The following TUSC3 variants were observed in gnomAD, a reference collection of about 807,000 sequenced individuals.
TUSC3 encodes tumor suppressor candidate 3.
Under a neutral mutation model 44.8 loss-of-function variants are expected in TUSC3, and 45 were observed. The observed-to-expected ratio is 1.00, with a 90% CI of 0.79 to 1.29. The LOEUF (loss-of-function observed/expected upper bound fraction) is 1.29, where lower values mean the gene tolerates loss of function less well. Ranked by LOEUF, TUSC3 falls within the 50% of genes most tolerant of loss-of-function variation. The probability of loss-of-function intolerance (pLI) is 0.00; values close to 1 mark genes in which losing one functional copy is unlikely to be tolerated. For missense variants in TUSC3, 519 were observed against 437.9 expected (o/e 1.19, Z -1.65); for synonymous variants, 212 against 152.9 (o/e 1.39, Z -2.85).
intron 2 of TUSC3, among the ~76,000 whole-genome samples, chr8:15,523,688 G>GTATA (rs1296439729): frequency 2.6e-4 from 13 of 50,072 alleles, no homozygotes; most frequent in African/African-American, 8.4e-4. Context: ...GTGTGTGTGT[G>GTATA]TGTGTGTGTG....
At chr8:15,446,896 A>C (rs1300253136) in intron 1 of TUSC3, among the ~76,000 whole-genome samples, 1 of 41,532 alleles carries the variant, frequency 2.4e-5, no homozygotes, top group Admixed American at 3.3e-4. Flanking sequence ...ATGAGTAGGT[A>C]ACAGAAAAAA....
At chr8:15,684,504 C>G (rs1022681231) in intron 6 of TUSC3, among the ~76,000 whole-genome samples, 1 of 152,166 alleles carries the variant, frequency 6.6e-6, no homozygotes, top group South Asian at 2.1e-4. Context: ...GCCCAACCGG[C>G]TAAGCTTGTC....
At position 15,509,436 on chromosome 8, in the gene TUSC3, C is replaced by G. The variant is rs1281000642; in HGVS notation, n.189+25953C>G. Among the ~76,000 whole-genome samples, 3 of 152,058 alleles carry G rather than the reference C, an allele frequency of 2.0e-5. No individual in the cohort carries two copies. The East Asian group carries it at 5.8e-4, about 29-fold the overall frequency. ...CCAGCCTGGCCAACATGGTGACATC[C>G]CATCTCTACTAAAATATAAAAATTA... On this transcript the variant is annotated intron_variant and non_coding_transcript_variant, in intron 2 of 5. Transcript: ENST00000503191.
rs180685829 is a variant in TUSC3 at position 15,524,051 on chromosome 8, C to T, written n.189+40568C>T. 3.5e-3 allele frequency among the ~76,000 whole-genome samples: 343 copies of T among 98,402 alleles called. 1 individual carries two copies. The highest frequency in any genetic ancestry group is 0.011 in the African/African-American group (303 of 27,232). The allele number at this position is 98,402 out of a possible 152,430, so 64.6% of individuals were successfully genotyped here. ...AGCTTGGCAACAGACAGAGTGACTC[C>T]GTCTCAAAAAAAAAAAAAAATAGAA... On this transcript the variant is annotated intron_variant and non_coding_transcript_variant, in intron 2 of 5. Coordinates refer to the TUSC3 transcript ENST00000503191.
intron 6 of TUSC3, among the ~76,000 whole-genome samples, chr8:15,702,305 A>G (rs1355878436): frequency 6.6e-6 from 1 of 152,192 alleles, no homozygotes; most frequent in East Asian, 1.9e-4. Flanking sequence ...ATAGTTGTTG[A>G]GCCACTTCTT....
chr8:15,652,846 A>C (rs1443834151), intron 3 of TUSC3, among the ~76,000 whole-genome samples: 1 of 152,140 alleles, frequency 6.6e-6, no homozygotes, highest in Non-Finnish European at 1.5e-5. Flanking sequence ...ACATGACTAG[A>C]CTTGTGGACT....
chr8:15,616,431 A>G (rs1302137146), intron 1 of TUSC3, among the ~76,000 whole-genome samples: 2 of 151,998 alleles, frequency 1.3e-5, no homozygotes, highest in African/African-American at 4.8e-5. Context: ...TACAAAAATT[A>G]GCCCGTCGTG....
chr8:15,844,375 T>A, the TUSC3 span, among the ~76,000 whole-genome samples: 4 of 152,124 alleles, frequency 2.6e-5, no homozygotes, highest in East Asian at 7.7e-4. Flanking sequence ...GCCTCAGTGA[T>A]TAATAAGCTA....
chr8:15,551,718 G>C (rs1343579913), intron 1 of TUSC3, among the ~76,000 whole-genome samples: 1 of 151,700 alleles, frequency 6.6e-6, no homozygotes, highest in Non-Finnish European at 1.5e-5. Context: ...ATTACTGCCG[G>C]TCTCTTGTGT....
chr8:15,627,981 C>G (rs544231568), intron 2 of TUSC3, among the ~76,000 whole-genome samples: 6 of 152,078 alleles, frequency 3.9e-5, no homozygotes, highest in African/African-American at 1.4e-4. Context: ...TTCCATCTGG[C>G]GAAGCGACAC....
chr8:15,794,531 G>T, the TUSC3 span, among the ~76,000 whole-genome samples: 1 of 152,146 alleles, frequency 6.6e-6, no homozygotes, highest in Non-Finnish European at 1.5e-5. Context: ...ATTTCAGGAA[G>T]GTAGGTAAAA....
intron 1 of TUSC3, among the ~76,000 whole-genome samples, chr8:15,554,145 A>G (rs1802151830): frequency 1.1e-5 from 1 of 93,938 alleles, no homozygotes; most frequent in Admixed American, 1.3e-4. Context: ...TGGATTTTTG[A>G]TTTTGTCATC....
chr8:15,473,988 C>G (rs574580482), intron 1 of TUSC3, among the ~76,000 whole-genome samples: 21 of 152,266 alleles, frequency 1.4e-4, no homozygotes, highest in South Asian at 1.0e-3. Context: ...TGGTCCTTAT[C>G]TCAACCACTT....
At chr8:15,796,815 C>T in the TUSC3 span, among the ~76,000 whole-genome samples, 1 of 152,222 alleles carries the variant, frequency 6.6e-6, no homozygotes, top group Non-Finnish European at 1.5e-5. Context: ...TTTTGCCAGC[C>T]AAGGCTCGGT....
At position 15,490,672 on chromosome 8, in the gene TUSC3, G is replaced by A. The variant is rs188258766; in HGVS notation, n.189+7189G>A. The stretch of plus-strand genomic sequence containing the variant: ...TGCCCTAAAAGAGATGCTGATTTAT[G>A]TGTGACAAACAAATCATTTCCTTCT... On this transcript the variant is annotated intron_variant and non_coding_transcript_variant, in intron 2 of 5. Coordinates refer to the TUSC3 transcript ENST00000503191. Among the ~76,000 whole-genome samples the A allele has an allele frequency of 2.0e-5, 3 of 152,316 alleles. No homozygotes were observed. In the East Asian group the frequency reaches 5.8e-4, roughly 29 times the overall value.
At chr8:15,556,934 T>C (rs1329113569) in intron 1 of TUSC3, among the ~76,000 whole-genome samples, 4 of 149,516 alleles carry the variant, frequency 2.7e-5, no homozygotes, top group Non-Finnish European at 6.0e-5. Context: ...GTTGTGAAAA[T>C]TTTCTCCCAT....
intron 5 of TUSC3, among the ~76,000 whole-genome samples, chr8:15,668,867 C>CA (rs1159585344): frequency 6.6e-6 from 1 of 151,474 alleles, no homozygotes; most frequent in Non-Finnish European, 1.5e-5. Context: ...TCTGGAGAAA[C>CA]AAAAAAATAA....
chr8:15,607,984 A>G lies in TUSC3; in HGVS notation c.139-15096A>G, dbSNP rs192958661. 1.9e-3 allele frequency among the ~76,000 whole-genome samples: 292 copies of G among 152,332 alleles called. 2 individuals are homozygous for G. Among genetic ancestry groups the G allele is most frequent in the Non-Finnish European group, 3.1e-3 (212 of 68,020 alleles). On this transcript the variant is annotated intron_variant, in intron 1 of 10. Coordinates refer to ENST00000503731, the MANE Select transcript of TUSC3 (RefSeq NM_006765.4). ...ACTGGAATATTTTTGATAAGCATGC[A>G]GTGATACAGCAAGTGCAGTTTGGGG...
the TUSC3 span, among the ~76,000 whole-genome samples, chr8:15,808,190 C>G: frequency 6.6e-6 from 1 of 152,126 alleles, no homozygotes; most frequent in East Asian, 1.9e-4. Context: ...TACCTGCAAT[C>G]TTTAAGCAAA....
Sources: gnomAD v4.1 joint callset for allele counts (sites outside exome capture counted in the v4.1 genomes callset) on GRCh38, gnomAD v4.1.1 for gene constraint, MANE v1.5 for transcripts, NCBI Gene and HGNC (gene_info 2026-07-23, HGNC 2026-07-21) for gene names.